SYCP2: variants seen among roughly 807,000 people sequenced by gnomAD.
The protein encoded by SYCP2 is synaptonemal complex lateral element protein.
In SYCP2, 55 loss-of-function variants were observed where a neutral mutation model predicts 211.3. The ratio of observed to expected loss-of-function variants is 0.26; its 90% CI spans 0.21 to 0.33. The LOEUF is 0.33. Ranked by LOEUF, SYCP2 falls within the 10% of genes least tolerant of loss-of-function variation. The pLI is 1.00. For synonymous variants in SYCP2, 570 were observed against 555.2 expected (o/e 1.03, Z -0.37); for missense variants, 1,731 against 1,752.0 (o/e 0.99, Z 0.21).
chr20:59,885,952 G>C lies in SYCP2; in HGVS notation c.2505C>G (p.Asn835Lys). 1 of 1,599,736 alleles carries C rather than the reference G, an allele frequency of 6.3e-7. No individual in the cohort carries two copies. Among genetic ancestry groups the C allele is most frequent in the Non-Finnish European group, 8.5e-7 (1 of 1,174,174 alleles). Residue 835 changes from asparagine to lysine, a missense_variant, in exon 26 of 45, where the codon AAC (asparagine) becomes AAG (lysine). Asn to Lys is a moderately conservative substitution (Grantham distance 94). Coordinates refer to ENST00000357552, the MANE Select transcript of SYCP2 (RefSeq NM_014258.4). ...KESLINSGFSNKPVVQLSKEK... is the reference protein window; with the variant it reads ...KESLINSGFSKKPVVQLSKEK... ...CCTTACTGAGTTGTACAACAGGTTTGTTTGAAAAACCACTGTAAAAAAAGA... is the reference window on the plus strand; with the variant it reads ...CCTTACTGAGTTGTACAACAGGTTTCTTTGAAAAACCACTGTAAAAAAAGA...
intron 24 of SYCP2, among the ~76,000 whole-genome samples, chr20:59,889,797 T>G (rs1413328264): frequency 6.6e-6 from 1 of 152,032 alleles, no homozygotes; most frequent in Non-Finnish European, 1.5e-5. Context: ...CCAAGGTTGC[T>G]CTGGGGTGAT....
intron 21 of SYCP2, 114 bp downstream of exon 21, chr20:59,893,410 T>C: frequency 1.2e-6 from 1 of 820,220 alleles, no homozygotes; most frequent in Non-Finnish European, 1.9e-6. Context: ...GTCAAACAAA[T>C]TCTTTGTAAA....
intron 33 of SYCP2, 73 bp downstream of exon 33, chr20:59,877,312 A>C (rs1426435082): frequency 7.8e-6 from 8 of 1,030,040 alleles, no homozygotes; most frequent in African/African-American, 1.7e-5. Flanking sequence ...GATAAATTTG[A>C]CATTTTTTAC....
In SYCP2 at chr20:59,867,814, T is replaced by C; in HGVS notation, c.4022A>G (p.Asp1341Gly). 1 of 1,609,078 alleles carries C rather than the reference T, an allele frequency of 6.2e-7. No individual in the cohort carries two copies. The highest frequency in any genetic ancestry group is 1.1e-5 in the South Asian group (1 of 90,834). ...CCAGGTCTCCCAAGGAATAGAAAAG[T>C]CATTTGTTGATAATGAAGATACACT... is the stretch of plus-strand genomic sequence containing the variant. ...SESVSSLSTN[D>G]FSIPWETWQN... Residue 1341 changes from aspartate (D) to glycine (G), a missense_variant, in exon 39 of 45, where the codon GAC becomes GGC. Coordinates refer to ENST00000357552, the MANE Select transcript of SYCP2 (RefSeq NM_014258.4).
chr20:59,865,256 A>G, intron 44 of SYCP2, 132 bp downstream of exon 44: 1 of 677,976 alleles, frequency 1.5e-6, no homozygotes. Flanking sequence ...TAAAGAACTA[A>G]AAGTAATTGG....
chr20:59,895,507 C>T lies in SYCP2; in HGVS notation c.1595G>A (p.Arg532Lys). The T allele has an allele frequency of 6.2e-7, 1 of 1,613,278 alleles. No individual in the cohort carries two copies. The highest frequency in any genetic ancestry group is 8.5e-7 in the Non-Finnish European group (1 of 1,179,464). Residue 532 changes from arginine to lysine, a missense_variant, in exon 20 of 45, where the codon AGA (arginine) becomes AAA (lysine). Transcript: ENST00000357552. ...KPSVSQTSEN[R>K]VDNAASLKSR... ...TTTCAGTGATGCAGCATTATCCACTCTATTTTCTGATGTTTGAGAAACACT... is the reference window on the plus strand; with the variant it reads ...TTTCAGTGATGCAGCATTATCCACTTTATTTTCTGATGTTTGAGAAACACT...
At chr20:59,884,132 T>C (rs2059740617) in intron 26 of SYCP2, among the ~76,000 whole-genome samples, 1 of 152,098 alleles carries the variant, frequency 6.6e-6, no homozygotes, top group African/African-American at 2.4e-5. Flanking sequence ...ACCTCCTTAC[T>C]GGAATTCTAT....
In SYCP2 at chr20:59,901,761, T is replaced by A; in HGVS notation, c.1083A>T (p.Lys361Asn). Reference protein sequence around the residue: ...LLTIILKNTVKISKREGKELL... With the variant: ...LLTIILKNTVNISKREGKELL... ...ATTCTTTCCCTTCTCTTTTGCTAATTTTTACTGTATTTTTCAGAATTATTG... is the reference window on the plus strand; with the variant it reads ...ATTCTTTCCCTTCTCTTTTGCTAATATTTACTGTATTTTTCAGAATTATTG... The change falls in exon 16 of 45, where the codon AAA (lysine) becomes AAT (asparagine). Residue 361 changes from lysine to asparagine, a missense_variant. By Grantham distance (94) the Lys-to-Asn change is moderately conservative. This residue lies in a region of SYCP2 where 1,387 missense variants were observed against 1,351.3 expected (regional missense o/e 1.03). Transcript: ENST00000357552. 6.2e-7 allele frequency: 1 copy of A among 1,605,040 alleles called. No individual in the cohort carries two copies. The highest frequency in any genetic ancestry group is 2.2e-5 in the East Asian group (1 of 44,600).
intron 14 of SYCP2, among the ~76,000 whole-genome samples, chr20:59,908,117 T>C (rs2060245870): frequency 6.6e-6 from 1 of 151,754 alleles, no homozygotes; most frequent in Non-Finnish European, 1.5e-5. Context: ...GGCGTGGTGG[T>C]GGGCGCCTGT....
chr20:59,864,405 A>G lies in SYCP2; in HGVS notation c.4516-17T>C, dbSNP rs192872603. ...CTCTTCTAGCTATAGCCAAGAAAAA[A>G]AAAATCACACTTAGATTTCACATTT... On this transcript the variant is annotated splice_polypyrimidine_tract_variant and intron_variant, in intron 44 of 44. Transcript: ENST00000357552. 18 of 1,548,662 alleles carry G rather than the reference A, an allele frequency of 1.2e-5. No individual in the cohort carries two copies. In the Admixed American group the frequency reaches 3.2e-4, roughly 27 times the overall value.
intron 19 of SYCP2, 101 bp from the exon 20 acceptor site, chr20:59,895,698 T>C: frequency 4.4e-6 from 6 of 1,353,514 alleles, no homozygotes; most frequent in South Asian, 1.3e-5. Flanking sequence ...CATTCTTAGA[T>C]GGTTCCCAGG....
At chr20:59,916,326 CAGTA>C (rs1286660820) in intron 8 of SYCP2, among the ~76,000 whole-genome samples, 156 bp downstream of exon 8, 1 of 152,106 alleles carries the variant, frequency 6.6e-6, no homozygotes, top group Non-Finnish European at 1.5e-5. Context: ...TATAAATTTT[CAGTA>C]AGTATTTCGG....
At chr20:59,931,750 T>C (rs970456938) in intron 2 of SYCP2, among the ~76,000 whole-genome samples, 3 of 152,042 alleles carry the variant, frequency 2.0e-5, no homozygotes, top group Admixed American at 6.5e-5. Flanking sequence ...CGAAGTCAGT[T>C]GGGGAAAAAC....
At chr20:59,917,534 CT>C (rs1463517762) in intron 7 of SYCP2, among the ~76,000 whole-genome samples, 1 of 152,102 alleles carries the variant, frequency 6.6e-6, no homozygotes, top group East Asian at 1.9e-4. Flanking sequence ...ATTGCTGGTG[CT>C]TTAGGATTTT....
At chr20:59,932,856 G>A (rs1180528994) in intron 1 of SYCP2, among the ~76,000 whole-genome samples, 1 of 152,228 alleles carries the variant, frequency 6.6e-6, no homozygotes. Context: ...GGCCGCAGGT[G>A]GGGACGGCGG....
At chr20:59,890,102 A>C (rs1350136065) in intron 24 of SYCP2, among the ~76,000 whole-genome samples, 1 of 152,190 alleles carries the variant, frequency 6.6e-6, no homozygotes, top group Non-Finnish European at 1.5e-5. Context: ...ATGCACATGT[A>C]TGTTTACTGC....
intron 14 of SYCP2, among the ~76,000 whole-genome samples, chr20:59,908,811 A>C (rs1397952658): frequency 2.0e-5 from 3 of 151,422 alleles, no homozygotes; most frequent in East Asian, 1.9e-4. Flanking sequence ...TTTTCCTTCA[A>C]CCTCTCCCTA....
intron 17 of SYCP2, 33 bp from the exon 18 acceptor site, chr20:59,900,317 A>T: frequency 1.3e-6 from 2 of 1,537,744 alleles, no homozygotes; most frequent in East Asian, 2.3e-5. Flanking sequence ...AAGTATTTAA[A>T]ACTGCAAACC....
Position 59,875,426 on chromosome 20 carries a change from T to C in SYCP2, c.3194A>G (p.Lys1065Arg). The C allele has an allele frequency of 6.2e-7, 1 of 1,612,920 alleles. No homozygotes were observed. Among genetic ancestry groups the C allele is most frequent in the East Asian group, 2.2e-5 (1 of 44,718 alleles). ...HSRMKTVKLP[K>R]KQQKVFCAET... Reference sequence around the variant, plus strand: ...AGCACAGAAGACTTTCTGTTGTTTCTTTGGTAGCTTTACCGTTTTCATTCT... The same window carrying C: ...AGCACAGAAGACTTTCTGTTGTTTCCTTGGTAGCTTTACCGTTTTCATTCT... Residue 1065 changes from lysine (K) to arginine (R), a missense_variant, in exon 34 of 45, where the codon AAG becomes AGG. Around this residue, in one of 3 missense-constraint regions of SYCP2, gnomAD observed 1,387 missense variants for 1,351.3 expected, o/e 1.03. Transcript: ENST00000357552.
Sources: gnomAD v4.1 joint callset for allele counts (sites outside exome capture counted in the v4.1 genomes callset) on GRCh38, gnomAD v4.1.1 for gene constraint, gnomAD v4.1.1 regional missense constraint, MANE v1.5 for transcripts, NCBI Gene and HGNC (gene_info 2026-07-23, HGNC 2026-07-21) for gene names.